ADAR: variants seen among roughly 807,000 people sequenced by gnomAD.
ADAR encodes the protein double-stranded RNA-specific adenosine deaminase.
A neutral mutation model predicts 113.2 loss-of-function variants in ADAR; 41 were observed. The observed-to-expected ratio is 0.36, with a 90% CI of 0.28 to 0.47. ADAR has a LOEUF of 0.47. Among genes scored for constraint, ADAR ranks in the 20% least tolerant of loss-of-function variants. ADAR has a pLI of 1.00. For synonymous variants in ADAR, 605 were observed against 572.6 expected (o/e 1.06, Z -0.81); for missense variants, 1,242 against 1,540.9 (o/e 0.81, Z 3.25).
rs1696554586 is a variant in ADAR, at chr1:154,583,702, ACATCTATGG to A, written c.*1095_*1103del. 6.6e-6 allele frequency: 1 copy of A among 152,254 alleles called. No homozygotes were observed. Among genetic ancestry groups the A allele is most frequent in the African/African-American group, 2.4e-5 (1 of 41,462 alleles). The allele number at this position is 152,254 out of a possible 1,614,324, so 9.4% of individuals were successfully genotyped here. On this transcript the variant is annotated 3_prime_UTR_variant, in exon 15 of 15. Coordinates refer to ENST00000368474, the MANE Select transcript of ADAR (RefSeq NM_001111.5). ...GGTTATCTGTAGCAGTTAAGAATCA[ACATCTATGG>A]CATTCTTTAAAACACTCCTAATTTA...
In ADAR at chr1:154,601,665, T is replaced by G. The variant is rs1697888533; in HGVS notation, c.977A>C (p.Lys326Thr). The stretch of plus-strand genomic sequence containing the variant: ...TAGCACAGCATTTATATCTCGGGCC[T>G]TGGTAAGGCCAATATTTTTAGCCAA... Reference protein sequence around the residue: ...LNLAKNIGLTKARDINAVLID... With the variant: ...LNLAKNIGLTTARDINAVLID... Residue 326 changes from lysine to threonine, a missense_variant, in exon 2 of 15, where the codon AAG becomes ACG. This residue lies in a region of ADAR where 462 missense variants were observed against 483.1 expected (regional missense o/e 0.96). Transcript: ENST00000368474. The surrounding 1 kb of genome is among the most constrained non-coding windows in gnomAD (Gnocchi z 4.7). 6.2e-7 allele frequency: 1 copy of G among 1,614,042 alleles called. No homozygotes were observed. Among genetic ancestry groups the G allele is most frequent in the African/African-American group, 1.3e-5 (1 of 74,936 alleles).
intron 11 of ADAR, 99 bp downstream of exon 11, chr1:154,588,025 AG>A (rs770768349): frequency 2.6e-6 from 4 of 1,562,870 alleles, no homozygotes; most frequent in Non-Finnish European, 3.5e-6. Flanking sequence ...CTCTGTGCCC[AG>A]TGACTAATGG....
At chr1:154,589,707 A>G (rs1696996901) in intron 8 of ADAR, 50 bp downstream of exon 8, 1 of 1,610,508 alleles carries the variant, frequency 6.2e-7, no homozygotes. Flanking sequence ...GATGAGAGGC[A>G]CCCGCTTTCA....
upstream of ADAR, among the ~76,000 whole-genome samples, chr1:154,612,750 C>T (rs1698524028): frequency 1.3e-5 from 2 of 152,132 alleles, no homozygotes; most frequent in African/African-American, 4.8e-5. Flanking sequence ...GTTGTTTCTC[C>T]TCAATTCTTT....
At chr1:154,604,513 T>C (rs544237576) in intron 1 of ADAR, among the ~76,000 whole-genome samples, 1 of 152,340 alleles carries the variant, frequency 6.6e-6, no homozygotes, top group South Asian at 2.1e-4. Context: ...TCCATAAAAA[T>C]TCCTTCTCTT....
chr1:154,585,589 G>A, intron 13 of ADAR, 164 bp downstream of exon 13: 1 of 869,436 alleles, frequency 1.2e-6, no homozygotes, highest in South Asian at 1.5e-5. Context: ...TAAGTTCTTG[G>A]GAGACCAACC....
At chr1:154,591,943 G>C (rs1468433958) in intron 6 of ADAR, among the ~76,000 whole-genome samples, 1 of 152,198 alleles carries the variant, frequency 6.6e-6, no homozygotes, top group African/African-American at 2.4e-5. Context: ...AGATTGTGTA[G>C]TATCTTTACC....
At chr1:154,597,695 C>G in intron 4 of ADAR, 133 bp downstream of exon 4, 2 of 1,241,646 alleles carry the variant, frequency 1.6e-6, no homozygotes, top group South Asian at 2.5e-5. Flanking sequence ...ACCAGGACCT[C>G]AGAGCCCTCC....
At chr1:154,627,860 C>T in exon 1 of ADAR, 1 of 517,914 alleles carries the variant, frequency 1.9e-6, no homozygotes, top group South Asian at 1.4e-5. Context: ...CTTACCGGGT[C>T]TTGCACTTCC....
At chr1:154,626,003 CAAAAAAA>C (rs60388172) in intron 1 of ADAR, among the ~76,000 whole-genome samples, 2 of 82,430 alleles carry the variant, frequency 2.4e-5, no homozygotes, top group Non-Finnish European at 4.7e-5. Flanking sequence ...GACTCTGTCT[CAAAAAAA>C]AAAAAAAAAA....
intron 6 of ADAR, 116 bp downstream of exon 6, chr1:154,596,689 G>A (rs1396192196): frequency 9.9e-6 from 12 of 1,210,168 alleles, no homozygotes; most frequent in Non-Finnish European, 1.3e-5. Flanking sequence ...GGCTGGACTT[G>A]TTTCCCTCAA....
rs1698322940 is a variant in ADAR at position 154,608,089 on chromosome 1, C to T, written c.-83G>A. On this transcript the variant is annotated 5_prime_UTR_variant, in exon 1 of 15. Coordinates refer to ENST00000368474, the MANE Select transcript of ADAR (RefSeq NM_001111.5). ...GCTGGGCCGCGCCAGCCCCTCGAGG[C>T]CCCCACGCCTCCGCTACTCCGCACT... The T allele has an allele frequency of 4.1e-6, 6 of 1,460,360 alleles. No homozygotes were observed. Among genetic ancestry groups the T allele is most frequent in the South Asian group, 1.4e-5 (1 of 71,024 alleles). 90.5% of individuals were successfully genotyped at this position (1,460,360 alleles called of 1,614,324 possible).
chr1:154,598,325 G>A (rs1697639532), intron 3 of ADAR, 77 bp downstream of exon 3: 2 of 1,490,742 alleles, frequency 1.3e-6, no homozygotes, highest in African/African-American at 1.4e-5. Context: ...TTTAGGCTGG[G>A]ATTGCCTCAA....
chr1:154,600,795 C>G, intron 2 of ADAR: 1 of 586,082 alleles, frequency 1.7e-6, no homozygotes, highest in East Asian at 3.0e-5. Context: ...TCTAAAGAAG[C>G]TTCATTACAG....
At chr1:154,605,395 C>T (rs1197471204) in intron 1 of ADAR, among the ~76,000 whole-genome samples, 1 of 81,992 alleles carries the variant, frequency 1.2e-5, no homozygotes, top group Non-Finnish European at 3.0e-5. Flanking sequence ...CTACTCAGCA[C>T]CTGTTAAACC....
Position 154,585,111 on chromosome 1 carries a change from C to T in ADAR, c.3444-68G>A, listed in dbSNP as rs542283847. The T allele has an allele frequency of 3.0e-5, 48 of 1,608,592 alleles. No individual in the cohort carries two copies. The East Asian group carries it at 6.2e-4, about 21-fold the overall frequency. On this transcript the variant is annotated intron_variant, in intron 14 of 14. Coordinates refer to ENST00000368474, the MANE Select transcript of ADAR (RefSeq NM_001111.5). Reference sequence around the variant, plus strand: ...GATAAGGAGCTCACAGTGGAGACACCGTGGGAGGGGAGGCGGCTCTCAAGC... The same window carrying T: ...GATAAGGAGCTCACAGTGGAGACACTGTGGGAGGGGAGGCGGCTCTCAAGC...
intron 9 of ADAR, among the ~76,000 whole-genome samples, chr1:154,589,114 C>T (rs1175439889): frequency 2.6e-5 from 4 of 152,208 alleles, no homozygotes; most frequent in Admixed American, 1.3e-4. Flanking sequence ...TAGAAAAGAA[C>T]ATGAAGCAGC....
In ADAR at chr1:154,602,537, G is replaced by A. The variant is rs1233983254; in HGVS notation, c.105C>T (p.Ser35=). 6.2e-7 allele frequency: 1 copy of A among 1,614,094 alleles called. No homozygotes were observed. Among genetic ancestry groups the A allele is most frequent in the Non-Finnish European group, 8.5e-7 (1 of 1,180,034 alleles). ...TTTGCTTAAGCAGGAAACTACTGGG[G>A]GAAGATCCTGGCCCAGGCTGCTGGT... ...LRYQQPGPGS[S]PSSFLLKQIE... The change falls in exon 2 of 15, where the codon TCC becomes TCT. Residue 35 remains serine (S), a synonymous_variant. Coordinates refer to ENST00000368474, the MANE Select transcript of ADAR (RefSeq NM_001111.5).
intron 1 of ADAR, among the ~76,000 whole-genome samples, chr1:154,622,362 T>C (rs972573320): frequency 1.3e-5 from 2 of 152,228 alleles, no homozygotes; most frequent in African/African-American, 4.8e-5. Context: ...AGTAGTCTTA[T>C]TTCTGTTCTT....
Sources: gnomAD v4.1 joint callset for allele counts (sites outside exome capture counted in the v4.1 genomes callset) on GRCh38, gnomAD v4.1.1 for gene constraint, gnomAD v4.1.1 regional missense constraint, Gnocchi (gnomAD v3.1) non-coding constraint, MANE v1.5 for transcripts, NCBI Gene and HGNC (gene_info 2026-07-23, HGNC 2026-07-21) for gene names.